PRKCH: variants seen among roughly 807,000 people sequenced by gnomAD.
PRKCH encodes protein kinase C eta, also known as protein kinase C eta type.
In PRKCH, 28 loss-of-function variants were observed where a neutral mutation model predicts 82.5. The observed-to-expected ratio is 0.34, with a 90% CI of 0.25 to 0.47. The LOEUF (loss-of-function observed/expected upper bound fraction) is 0.47. PRKCH is among the 20% of genes least tolerant of loss of function. The pLI, the probability that PRKCH is intolerant of heterozygous loss-of-function variation, is 1.00. For missense variants in PRKCH, 705 were observed against 881.8 expected (o/e 0.80, Z 2.54); for synonymous variants, 322 against 327.4 (o/e 0.98, Z 0.18).
chr14:61,538,144 C>G (rs1337946408), intron 12 of PRKCH, among the ~76,000 whole-genome samples: 1 of 152,246 alleles, frequency 6.6e-6, no homozygotes, highest in African/African-American at 2.4e-5. Context: ...GCAGAGGATC[C>G]AACCCCAGAT....
Position 61,246,193 on chromosome 14 carries a change from G to A in PRKCH, c.-19+58525G>A, listed in dbSNP as rs558145637. The stretch of plus-strand genomic sequence containing the variant: ...GGCCGAGGCGAGTGGATCACCTGAG[G>A]TCAGGAGTTCAACACCAGCCTGACC... On this transcript the variant is annotated intron_variant, in intron 1 of 3. Coordinates refer to the PRKCH transcript ENST00000555185. Among the ~76,000 whole-genome samples the A allele has an allele frequency of 1.3e-4, 19 of 151,706 alleles. No homozygotes were observed. The East Asian group carries it at 3.5e-3, about 28-fold the overall frequency.
chr14:61,443,664 G>A (rs1054832356), intron 3 of PRKCH, among the ~76,000 whole-genome samples: 1 of 152,214 alleles, frequency 6.6e-6, no homozygotes. Flanking sequence ...ATTAATGGTT[G>A]CGAGAAAACT....
chr14:61,532,941 T>C (rs905930407), intron 12 of PRKCH, among the ~76,000 whole-genome samples: 1 of 152,212 alleles, frequency 6.6e-6, no homozygotes, highest in Non-Finnish European at 1.5e-5. Flanking sequence ...GATTGTTACA[T>C]ATCATGCGTC....
chr14:61,252,072 T>C (rs766839124), intron 1 of PRKCH, among the ~76,000 whole-genome samples: 1 of 152,280 alleles, frequency 6.6e-6, no homozygotes, highest in African/African-American at 2.4e-5. Context: ...ACTCCTGACC[T>C]CGTGATCTGC....
intron 9 of PRKCH, among the ~76,000 whole-genome samples, chr14:61,468,784 T>C (rs920618375): frequency 6.6e-6 from 1 of 152,218 alleles, no homozygotes; most frequent in African/African-American, 2.4e-5. Context: ...CCATGTCTGC[T>C]AAGATAGTAT....
At chr14:61,273,460 A>G (rs570871306) in intron 1 of PRKCH, among the ~76,000 whole-genome samples, 6 of 152,344 alleles carry the variant, frequency 3.9e-5, no homozygotes, top group African/African-American at 1.4e-4. Flanking sequence ...TTATTATAGA[A>G]TATTACAGTA....
In PRKCH at chr14:61,550,751, C is replaced by T. The variant is rs1423217235; in HGVS notation, c.*920C>T. The stretch of plus-strand genomic sequence containing the variant: ...TGTCTGTATCGCCGTGTGCTCATCA[C>T]TGAAGAATTGCAGGCCACTCATGTC... On this transcript the variant is annotated 3_prime_UTR_variant, in exon 14 of 14. Transcript: ENST00000332981. The T allele has an allele frequency of 6.6e-6, 1 of 152,266 alleles. No homozygotes were observed. The highest frequency in any genetic ancestry group is 2.4e-5 in the African/African-American group (1 of 41,438). 9.4% of individuals were successfully genotyped at this position (152,266 alleles called of 1,614,324 possible).
intron 1 of PRKCH, among the ~76,000 whole-genome samples, chr14:61,195,519 A>G (rs535333943): frequency 1.3e-5 from 2 of 152,362 alleles, no homozygotes; most frequent in East Asian, 3.9e-4. Flanking sequence ...TCAAATGGGC[A>G]TATACTATTG....
At chr14:61,376,000 A>G (rs1261962340) in intron 1 of PRKCH, among the ~76,000 whole-genome samples, 1 of 150,778 alleles carries the variant, frequency 6.6e-6, no homozygotes, top group African/African-American at 2.5e-5. Flanking sequence ...CTGGGCAACA[A>G]GAGTGAAATT....
At chr14:61,498,195 G>A (rs1594764304) in intron 10 of PRKCH, among the ~76,000 whole-genome samples, 1 of 152,008 alleles carries the variant, frequency 6.6e-6, no homozygotes, top group Non-Finnish European at 1.5e-5. Flanking sequence ...TGTATTTTTA[G>A]TAGAGACGGG....
At chr14:61,293,475 T>A (rs987902557) in intron 1 of PRKCH, among the ~76,000 whole-genome samples, 2 of 152,182 alleles carry the variant, frequency 1.3e-5, no homozygotes, top group African/African-American at 4.8e-5. Flanking sequence ...TACATTCAAG[T>A]AGATATGGAA....
At chr14:61,286,426 A>T (rs916905310) in intron 1 of PRKCH, among the ~76,000 whole-genome samples, 7 of 152,222 alleles carry the variant, frequency 4.6e-5, no homozygotes, top group Admixed American at 2.0e-4. Context: ...AAAAGACAGA[A>T]GCGAATTCTC....
intron 1 of PRKCH, among the ~76,000 whole-genome samples, chr14:61,284,787 A>T (rs909314613): frequency 6.6e-6 from 1 of 152,166 alleles, no homozygotes; most frequent in African/African-American, 2.4e-5. Flanking sequence ...GAAAAAAGGC[A>T]TTTCTAGTCC....
intron 1 of PRKCH, among the ~76,000 whole-genome samples, chr14:61,346,027 T>C (rs2045988199): frequency 6.6e-6 from 1 of 152,216 alleles, no homozygotes; most frequent in African/African-American, 2.4e-5. Flanking sequence ...ATATGCCTTT[T>C]AATTCTGATG....
Position 61,210,811 on chromosome 14 carries a change from T to TGCGC in PRKCH, c.-19+23144_-19+23145insCGCG, listed in dbSNP as rs1270114965. ...CTCTCTGTGTGTGTGTGTGTGTGTG[T>TGCGC]GTGCGTGCACGCGTGCATTCCATAT... is the stretch of plus-strand genomic sequence containing the variant. On this transcript the variant is annotated intron_variant, in intron 1 of 3. Coordinates refer to the PRKCH transcript ENST00000555185. Among the ~76,000 whole-genome samples the TGCGC allele has an allele frequency of 2.7e-4, 41 of 151,350 alleles. No homozygotes were observed. The South Asian group carries it at 4.5e-3, about 17-fold the overall frequency.
chr14:61,278,171 T>C (rs1251868843), intron 1 of PRKCH: 1 of 152,100 alleles, frequency 6.6e-6, no homozygotes, highest in Non-Finnish European at 1.5e-5. Context: ...TTAAAAAAGG[T>C]AGTAAATTCT....
intron 1 of PRKCH, among the ~76,000 whole-genome samples, chr14:61,313,511 A>G (rs1213371080): frequency 6.6e-6 from 1 of 152,072 alleles, no homozygotes; most frequent in Non-Finnish European, 1.5e-5. Context: ...AGGCTGGAAT[A>G]CAGTAGTGTA....
chr14:61,484,764 CTT>C (rs375542490), intron 9 of PRKCH, among the ~76,000 whole-genome samples: 1,514 of 121,148 alleles, frequency 0.012, 20 homozygotes, highest in African/African-American at 0.046. Context: ...ATTTGGCTTC[CTT>C]TTTTTTTTTT....
chr14:61,484,940 T>C (rs1236419719), intron 9 of PRKCH, among the ~76,000 whole-genome samples: 2 of 151,828 alleles, frequency 1.3e-5, no homozygotes, highest in African/African-American at 4.8e-5. Flanking sequence ...CCCAGGCTGG[T>C]CTTGAACCCC....
Sources: gnomAD v4.1 joint callset for allele counts (sites outside exome capture counted in the v4.1 genomes callset) on GRCh38, gnomAD v4.1.1 for gene constraint, MANE v1.5 for transcripts, NCBI Gene and HGNC (gene_info 2026-07-23, HGNC 2026-07-21) for gene names.